The following FOXP2 variants were observed in gnomAD, a reference collection of about 807,000 sequenced individuals.
FOXP2 encodes the protein forkhead box protein P2.
A neutral mutation model predicts 115.8 loss-of-function variants in FOXP2; 12 were observed. The ratio of observed to expected loss-of-function variants is 0.10; its 90% CI spans 0.07 to 0.17. The LOEUF is 0.17. Among genes scored for constraint, FOXP2 ranks in the 10% least tolerant of loss-of-function variants. The probability of loss-of-function intolerance (pLI) is 1.00; values close to 1 mark genes in which losing one functional copy is unlikely to be tolerated. For synonymous variants in FOXP2, 328 were observed against 297.7 expected (o/e 1.10, Z -1.05); for missense variants, 629 against 843.5 (o/e 0.75, Z 3.15).
At chr7:114,637,348 C>T (rs906694290) in intron 6 of FOXP2, among the ~76,000 whole-genome samples, 4 of 151,966 alleles carry the variant, frequency 2.6e-5, no homozygotes, top group African/African-American at 4.8e-5. Context: ...TTTGTGGCCA[C>T]GGAATTTTAA....
intron 2 of FOXP2, among the ~76,000 whole-genome samples, chr7:114,522,348 G>T (rs1798667281): frequency 6.6e-6 from 1 of 152,104 alleles, no homozygotes; most frequent in South Asian, 2.1e-4. Context: ...TGTGGTAATG[G>T]AAGTAAGTGA....
intron 2 of FOXP2, among the ~76,000 whole-genome samples, chr7:114,522,951 A>G (rs1448605638): frequency 6.6e-6 from 1 of 151,850 alleles, no homozygotes; most frequent in Non-Finnish European, 1.5e-5. Flanking sequence ...TTACAAACAT[A>G]AATTTCAAAA....
At chr7:114,176,232 T>TCTCTCTCTC (rs1562992727) in intron 1 of FOXP2, among the ~76,000 whole-genome samples, 17 of 146,672 alleles carry the variant, frequency 1.2e-4, no homozygotes, top group African/African-American at 4.3e-4. Flanking sequence ...TTGTCTTGTC[T>TCTCTCTCTC]TTTCTTTCTT....
chr7:114,340,433 T>A (rs980563830), intron 2 of FOXP2, among the ~76,000 whole-genome samples: 1 of 151,246 alleles, frequency 6.6e-6, no homozygotes, highest in Non-Finnish European at 1.5e-5. Flanking sequence ...ATGGTAAATA[T>A]ATTTTCTTTG....
At chr7:114,467,720 A>G (rs909637121) in intron 2 of FOXP2, among the ~76,000 whole-genome samples, 8 of 152,192 alleles carry the variant, frequency 5.3e-5, no homozygotes, top group Non-Finnish European at 7.3e-5. Context: ...GAAATAGAAA[A>G]TTAGAAAAAT....
intron 1 of FOXP2, among the ~76,000 whole-genome samples, chr7:114,269,816 C>A (rs1055780901): frequency 1.3e-5 from 2 of 152,246 alleles, no homozygotes; most frequent in South Asian, 4.2e-4. Context: ...GATAAATTTA[C>A]AATTTTGTAT....
intron 2 of FOXP2, among the ~76,000 whole-genome samples, chr7:114,380,722 T>C (rs1792268319): frequency 6.6e-6 from 1 of 152,252 alleles, no homozygotes; most frequent in Non-Finnish European, 1.5e-5. Context: ...GCAGTGAGTA[T>C]GTCATTCACA....
chr7:114,418,737 A>T (rs1210232276), intron 1 of FOXP2, among the ~76,000 whole-genome samples: 3 of 151,772 alleles, frequency 2.0e-5, no homozygotes, highest in African/African-American at 4.8e-5. Flanking sequence ...TCGATCGCAA[A>T]GGATTCAGGC....
intron 1 of FOXP2, among the ~76,000 whole-genome samples, chr7:114,221,268 A>G (rs1227256104): frequency 6.6e-6 from 1 of 152,020 alleles, no homozygotes; most frequent in Non-Finnish European, 1.5e-5. Context: ...AAAACAGTTT[A>G]CTTTGTGGTT....
At chr7:114,619,219 GA>G (rs34526725) in intron 3 of FOXP2, among the ~76,000 whole-genome samples, 35,868 of 151,922 alleles carry the variant, frequency 0.24, 5,684 homozygotes, top group Non-Finnish European at 0.34. Context: ...ATAATTGTTT[GA>G]AAAAAGAAAT....
chr7:114,214,800 T>G (rs1794447422), intron 1 of FOXP2, among the ~76,000 whole-genome samples: 1 of 152,208 alleles, frequency 6.6e-6, no homozygotes. Context: ...AAGCATTTTG[T>G]TAGTTTCCTA....
chr7:114,496,778 C>G (rs1797340552), intron 2 of FOXP2, among the ~76,000 whole-genome samples: 1 of 152,090 alleles, frequency 6.6e-6, no homozygotes, highest in South Asian at 2.1e-4. Context: ...CCTTCCTGTA[C>G]TGTTATTTAT....
intron 1 of FOXP2, among the ~76,000 whole-genome samples, chr7:114,211,812 C>T (rs1043163036): frequency 4.6e-5 from 7 of 152,144 alleles, no homozygotes; most frequent in African/African-American, 1.4e-4. Flanking sequence ...ATGGCTCACG[C>T]CTGTAATCCC....
intron 3 of FOXP2, among the ~76,000 whole-genome samples, chr7:114,624,385 C>T (rs1015920104): frequency 1.3e-5 from 2 of 151,660 alleles, no homozygotes; most frequent in Non-Finnish European, 3.0e-5. Context: ...GTTGGCAGAC[C>T]GTGTTAACAA....
intron 2 of FOXP2, among the ~76,000 whole-genome samples, chr7:114,331,171 A>C (rs891194863): frequency 6.6e-6 from 1 of 152,226 alleles, no homozygotes; most frequent in African/African-American, 2.4e-5. Flanking sequence ...AAGACAAATA[A>C]ATCTAAAGAA....
rs1278021455 is a variant in FOXP2, at chr7:114,347,431, A to G, written c.-11+59322A>G. Among the ~76,000 whole-genome samples the G allele has an allele frequency of 2.0e-5, 3 of 152,002 alleles. No homozygotes were observed. In the East Asian group the frequency reaches 5.8e-4, roughly 29 times the overall value. On this transcript the variant is annotated intron_variant, in intron 2 of 17. Transcript: ENST00000634411. ...TTTTGCATTTTATACTGTCCTTCAT[A>G]CATTAGCACTACCAGTTTATTCCAT...
intron 1 of FOXP2, among the ~76,000 whole-genome samples, chr7:114,156,098 C>T (rs1792660267): frequency 6.6e-6 from 1 of 152,096 alleles, no homozygotes; most frequent in Non-Finnish European, 1.5e-5. Context: ...GCCATTTTGC[C>T]TCTTAATGCA....
chr7:114,361,375 A>G (rs914984874), intron 2 of FOXP2, among the ~76,000 whole-genome samples: 12 of 152,050 alleles, frequency 7.9e-5, no homozygotes, highest in African/African-American at 2.7e-4. Context: ...GTATAAAAGG[A>G]AAGAGGATGT....
chr7:114,257,199 A>T (rs1795637282), intron 1 of FOXP2, among the ~76,000 whole-genome samples: 1 of 152,216 alleles, frequency 6.6e-6, no homozygotes, highest in South Asian at 2.1e-4. Context: ...TGGGGAAAGG[A>T]TTCCCTATTT....
Sources: gnomAD v4.1 joint callset for allele counts (sites outside exome capture counted in the v4.1 genomes callset) on GRCh38, gnomAD v4.1.1 for gene constraint, MANE v1.5 for transcripts, NCBI Gene and HGNC (gene_info 2026-07-23, HGNC 2026-07-21) for gene names.